Variants in PKNOX2 observed in about 807,000 individuals in gnomAD.
PKNOX2 encodes the protein homeobox protein PKNOX2.
Under a neutral mutation model 53.1 loss-of-function variants are expected in PKNOX2, and 14 were observed. That is an observed-to-expected ratio of 0.26 (90% CI 0.17 to 0.41). The LOEUF is 0.41. PKNOX2 is among the 10% of genes least tolerant of loss of function. The probability of loss-of-function intolerance (pLI) is 1.00; values close to 1 mark genes in which losing one functional copy is unlikely to be tolerated. For synonymous variants in PKNOX2, 257 were observed against 242.8 expected, an observed-to-expected ratio of 1.06 and a Z score of -0.54; for missense variants, 496 against 602.8, an observed-to-expected ratio of 0.82 and a Z score of 1.85.
chr11:125,411,148 T>G, intron 9 of PKNOX2: 2 of 400,328 alleles, frequency 5.0e-6, no homozygotes, highest in Non-Finnish European at 9.2e-6. Flanking sequence ...CCCTCAGTGG[T>G]AGAGAGTGCA....
chr11:125,191,602 G>A (rs1447260665), intron 1 of PKNOX2, among the ~76,000 whole-genome samples: 1 of 152,188 alleles, frequency 6.6e-6, no homozygotes, highest in Non-Finnish European at 1.5e-5. Flanking sequence ...CCTCCGGCGA[G>A]CATCTCATCA....
intron 2 of PKNOX2, among the ~76,000 whole-genome samples, chr11:125,261,915 C>T (rs181355910): frequency 6.6e-6 from 1 of 152,336 alleles, no homozygotes; most frequent in Non-Finnish European, 1.5e-5. Context: ...TGGCACATTC[C>T]GAACTGTTCC....
intron 2 of PKNOX2, among the ~76,000 whole-genome samples, chr11:125,253,216 G>T (rs1322243026): frequency 6.6e-6 from 1 of 152,122 alleles, no homozygotes; most frequent in African/African-American, 2.4e-5. Context: ...ATTTATCAGG[G>T]CCTACTCTTG....
At chr11:125,317,681 C>T (rs761173495) in intron 2 of PKNOX2, among the ~76,000 whole-genome samples, 8 of 152,202 alleles carry the variant, frequency 5.3e-5, no homozygotes, top group Non-Finnish European at 1.0e-4. Context: ...GATGAGCTGT[C>T]ACCCAGGCTT....
chr11:125,200,287 G>A (rs1266336292), intron 1 of PKNOX2, among the ~76,000 whole-genome samples: 2 of 152,178 alleles, frequency 1.3e-5, no homozygotes, highest in African/African-American at 4.8e-5. Context: ...GGCAGGGGAG[G>A]GAGTAGAAAG....
intron 4 of PKNOX2, among the ~76,000 whole-genome samples, chr11:125,363,154 A>C (rs111901860): frequency 4.3e-4 from 66 of 152,264 alleles, no homozygotes; most frequent in African/African-American, 1.4e-3. Context: ...AGGACATGGG[A>C]AGCGCAGAAC....
At chr11:125,301,400 ACTT>A (rs1309872420) in intron 2 of PKNOX2, among the ~76,000 whole-genome samples, 1 of 151,772 alleles carries the variant, frequency 6.6e-6, no homozygotes, top group Non-Finnish European at 1.5e-5. Flanking sequence ...AGCAGGGTAG[ACTT>A]CTTCTGCTTG....
chr11:125,427,378 C>T (rs1026476963), intron 10 of PKNOX2, among the ~76,000 whole-genome samples: 2 of 152,306 alleles, frequency 1.3e-5, no homozygotes, highest in East Asian at 3.9e-4. Flanking sequence ...ATTAAAGCAA[C>T]ACATGGTCCT....
intron 2 of PKNOX2, among the ~76,000 whole-genome samples, chr11:125,300,258 C>A (rs911764593): frequency 6.6e-6 from 1 of 152,192 alleles, no homozygotes; most frequent in Non-Finnish European, 1.5e-5. Context: ...TGTTTTGACC[C>A]CTCCCTACCA....
intron 2 of PKNOX2, among the ~76,000 whole-genome samples, chr11:125,310,622 G>A (rs1486299650): frequency 1.3e-5 from 2 of 151,978 alleles, no homozygotes; most frequent in Non-Finnish European, 2.9e-5. Context: ...TTTTTGAAAA[G>A]AGGGAAAACT....
chr11:125,188,839 T>G (rs1591474313), intron 1 of PKNOX2, among the ~76,000 whole-genome samples: 1 of 152,096 alleles, frequency 6.6e-6, no homozygotes. Context: ...GGCCTGTACA[T>G]TCCTCCTCAT....
In PKNOX2 at chr11:125,413,163, T is replaced by C. The variant is rs139430574; in HGVS notation, c.936+1298T>C. On this transcript the variant is annotated intron_variant, in intron 10 of 12. Coordinates refer to ENST00000298282, the MANE Select transcript of PKNOX2 (RefSeq NM_001382323.2). ...GAAAGCACTGACTAGTCTGAACACC[T>C]ACAGTTTCCAGATGAGAAAGCTAAT... is the stretch of plus-strand genomic sequence containing the variant. 1.4e-4 allele frequency among the ~76,000 whole-genome samples: 22 copies of C among 152,318 alleles called. 1 individual carries two copies. The East Asian group carries it at 3.7e-3, about 25-fold the overall frequency.
At chr11:125,267,882 G>A (rs1034058017) in intron 2 of PKNOX2, among the ~76,000 whole-genome samples, 10 of 152,216 alleles carry the variant, frequency 6.6e-5, no homozygotes, top group African/African-American at 2.4e-4. Context: ...ATGAGAACAA[G>A]GCGCTCATCA....
At chr11:125,215,479 C>T (rs1808480972) in intron 1 of PKNOX2, among the ~76,000 whole-genome samples, 2 of 152,042 alleles carry the variant, frequency 1.3e-5, no homozygotes, top group African/African-American at 4.8e-5. Flanking sequence ...ATGCTGGGCG[C>T]GGTGGCTCAT....
At chr11:125,236,465 AG>A (rs1358118989) in intron 2 of PKNOX2, among the ~76,000 whole-genome samples, 2 of 152,152 alleles carry the variant, frequency 1.3e-5, no homozygotes, top group Admixed American at 6.5e-5. Flanking sequence ...CGGAGGTTAG[AG>A]GGACCTCATA....
At chr11:125,222,668 GTGTGTA>G (rs1296177807) in intron 1 of PKNOX2, among the ~76,000 whole-genome samples, 1 of 146,080 alleles carries the variant, frequency 6.8e-6, no homozygotes, top group African/African-American at 2.7e-5. Flanking sequence ...GTGTATGTGT[GTGTGTA>G]TGTGTGTGCG....
chr11:125,343,088 C>A (rs933957382), intron 3 of PKNOX2, among the ~76,000 whole-genome samples: 1 of 151,936 alleles, frequency 6.6e-6, no homozygotes, highest in Admixed American at 6.5e-5. Context: ...CCCAGGGCAG[C>A]AGCTGTGGCC....
intron 3 of PKNOX2, among the ~76,000 whole-genome samples, chr11:125,349,438 C>A (rs1951178662): frequency 1.3e-5 from 2 of 152,186 alleles, no homozygotes; most frequent in Admixed American, 1.3e-4. Context: ...ATGGGCGAGG[C>A]CCTGCATGCT....
rs969957259 is a variant in PKNOX2 at position 125,409,813 on chromosome 11, A to G, written c.589-383A>G. Among the ~76,000 whole-genome samples, 3 of 152,158 alleles carry G rather than the reference A, an allele frequency of 2.0e-5. No homozygotes were observed. In the East Asian group the frequency reaches 5.8e-4, roughly 29 times the overall value. On this transcript the variant is annotated intron_variant, in intron 7 of 12. Transcript: ENST00000298282. ...CCATTGAATATGATGGATCTGATCA[A>G]GAAAAAATCCAGAGCCCAGGACACA...
Sources: allele counts gnomAD v4.1 joint callset (sites outside exome capture counted in the v4.1 genomes callset), GRCh38; gene constraint gnomAD v4.1.1; transcripts MANE v1.5; gene names NCBI Gene and HGNC (gene_info 2026-07-23, HGNC 2026-07-21).